The following ACTN1 variants were observed in gnomAD, a reference collection of about 807,000 sequenced individuals.
ACTN1 encodes actinin alpha 1.
Under a neutral mutation model 119.6 loss-of-function variants are expected in ACTN1, and 30 were observed. The observed-to-expected ratio is 0.25, with a 90% CI of 0.19 to 0.34. The LOEUF (loss-of-function observed/expected upper bound fraction) is 0.34, where lower values mean the gene tolerates loss of function less well. Ranked by LOEUF, ACTN1 falls within the 10% of genes least tolerant of loss-of-function variation. The pLI is 1.00. For missense variants in ACTN1, 764 were observed against 1,223.4 expected, an observed-to-expected ratio of 0.62 and a Z score of 5.60; for synonymous variants, 429 against 472.6, an observed-to-expected ratio of 0.91 and a Z score of 1.20.
chr14:68,875,777 C>T (rs1037064995), intron 21 of ACTN1, among the ~76,000 whole-genome samples: 1 of 152,196 alleles, frequency 6.6e-6, no homozygotes, highest in Non-Finnish European at 1.5e-5. Flanking sequence ...AGACCAGGCC[C>T]CTAGCTGGGC....
intron 14 of ACTN1, chr14:68,883,347 T>C (rs2140097120): frequency 2.7e-6 from 1 of 365,564 alleles, no homozygotes; most frequent in East Asian, 4.2e-5. Context: ...ACTACCCAGG[T>C]GACCTCCCAC....
intron 1 of ACTN1, among the ~76,000 whole-genome samples, chr14:68,932,379 C>T (rs2035259718): frequency 2.0e-5 from 3 of 152,052 alleles, no homozygotes; most frequent in Non-Finnish European, 4.4e-5. Flanking sequence ...CCTTGCTCCT[C>T]AGCTTGCAGA....
At chr14:68,911,725 A>AG (rs1371743342) in intron 4 of ACTN1, among the ~76,000 whole-genome samples, 2 of 152,242 alleles carry the variant, frequency 1.3e-5, no homozygotes, top group Non-Finnish European at 2.9e-5. Flanking sequence ...TCAAGCGTAG[A>AG]GATCACCTCT....
intron 1 of ACTN1, among the ~76,000 whole-genome samples, chr14:68,940,271 C>T (rs2035720625): frequency 6.6e-6 from 1 of 152,162 alleles, no homozygotes; most frequent in Non-Finnish European, 1.5e-5. Context: ...TTTTTTGGCA[C>T]AGATGCTGAG....
At position 68,909,893 on chromosome 14, in the gene ACTN1, T is replaced by A. The variant is rs2033898062; in HGVS notation, c.515+62A>T. On this transcript the variant is annotated intron_variant, in intron 5 of 21. Transcript: ENST00000394419. This position sits in a 1 kb window ranked among gnomAD's most constrained non-coding sequence, Gnocchi z 4.1. Reference sequence around the variant, plus strand: ...GCTGAGACTGACCCAGCCAAGGGGGTCTGGGAGCTCCCGGGGGAGGCAGCC... The same window carrying A: ...GCTGAGACTGACCCAGCCAAGGGGGACTGGGAGCTCCCGGGGGAGGCAGCC... 1 of 1,434,530 alleles carries A rather than the reference T, an allele frequency of 7.0e-7. No individual in the cohort carries two copies. The highest frequency in any genetic ancestry group is 2.3e-5 in the East Asian group (1 of 44,018). 88.9% of individuals were successfully genotyped at this position (1,434,530 alleles called of 1,614,324 possible). A position where few individuals can be genotyped will look rare whatever the true frequency, so the allele number is the denominator to read the frequency against.
At chr14:68,910,172 A>T (rs2033922255) in intron 4 of ACTN1, 130 bp from the exon 5 acceptor site, 4 of 657,998 alleles carry the variant, frequency 6.1e-6, no homozygotes, top group Non-Finnish European at 1.0e-5. Context: ...AGCCCTGGCC[A>T]TCAAGTCTAT....
intron 1 of ACTN1, among the ~76,000 whole-genome samples, chr14:68,973,176 A>G (rs2036948568): frequency 6.6e-6 from 1 of 152,102 alleles, no homozygotes; most frequent in Non-Finnish European, 1.5e-5. Flanking sequence ...GTTTCCCCCC[A>G]TCTGCTGAGA....
At chr14:68,914,333 C>T (rs1381994226) in intron 3 of ACTN1, among the ~76,000 whole-genome samples, 1 of 152,098 alleles carries the variant, frequency 6.6e-6, no homozygotes, top group Non-Finnish European at 1.5e-5. Flanking sequence ...TTGAAAAATA[C>T]TAAACTCTCA....
chr14:68,937,200 T>C (rs893287302), intron 1 of ACTN1, among the ~76,000 whole-genome samples: 2 of 151,844 alleles, frequency 1.3e-5, no homozygotes, highest in African/African-American at 4.8e-5. Context: ...ACTGTCCTTG[T>C]AAAGTTTTTT....
chr14:68,877,018 C>T (rs2030977057), intron 21 of ACTN1, 64 bp downstream of exon 21: 1 of 1,588,768 alleles, frequency 6.3e-7, no homozygotes, highest in East Asian at 2.3e-5. Flanking sequence ...GCTCTCACCC[C>T]TTTAGATCAC....
At chr14:68,960,156 T>C (rs2036479562) in intron 1 of ACTN1, among the ~76,000 whole-genome samples, 1 of 152,010 alleles carries the variant, frequency 6.6e-6, no homozygotes, top group African/African-American at 2.4e-5. Flanking sequence ...GCTACTGCTG[T>C]CTCGGGGTGG....
chr14:68,951,215 T>C (rs1286330618), intron 1 of ACTN1, among the ~76,000 whole-genome samples: 1 of 152,174 alleles, frequency 6.6e-6, no homozygotes, highest in East Asian at 1.9e-4. Context: ...CAGGCGCTGG[T>C]TTCCCCGGAA....
intron 1 of ACTN1, among the ~76,000 whole-genome samples, chr14:68,974,881 C>T (rs1700031010): frequency 6.6e-6 from 1 of 152,252 alleles, no homozygotes; most frequent in Non-Finnish European, 1.5e-5. Flanking sequence ...ACATCTGTGA[C>T]TAGGCCACAT....
In ACTN1 at chr14:68,877,772, A is replaced by G. The variant is rs183697029; in HGVS notation, c.2428-532T>C. The G allele has an allele frequency of 1.4e-3, 220 of 157,262 alleles. No individual in the cohort carries two copies. The Middle Eastern group carries it at 0.023, about 17-fold the overall frequency. 9.7% of individuals were successfully genotyped at this position (157,262 alleles called of 1,614,324 possible). ...ACTGTATTTTCTACATGCCAGATAC[A>G]TGCACACACTTAAATTCCTTCATTT... On this transcript the variant is annotated intron_variant, in intron 20 of 21. Coordinates refer to ENST00000394419, the MANE Select transcript of ACTN1 (RefSeq NM_001130004.2).
At position 68,880,519 on chromosome 14, in the gene ACTN1, G is replaced by GA. The variant is rs2031410071; in HGVS notation, c.2133+290_2133+291insT. Among the ~76,000 whole-genome samples the GA allele has an allele frequency of 8.5e-5, 13 of 152,232 alleles. No homozygotes were observed. The South Asian group carries it at 2.7e-3, about 32-fold the overall frequency. The stretch of plus-strand genomic sequence containing the variant: ...ACAAGTAGCCATTTTCAAAGCAGAT[G>GA]CCTGAGCCAGTGTTTGGAGCCCACC... On this transcript the variant is annotated intron_variant, in intron 17 of 21. Transcript: ENST00000394419. The surrounding 1 kb of genome is among the most constrained non-coding windows in gnomAD (Gnocchi z 4.6).
chr14:68,915,557 C>A (rs1462125934), intron 3 of ACTN1, among the ~76,000 whole-genome samples: 2 of 152,200 alleles, frequency 1.3e-5, no homozygotes, highest in Non-Finnish European at 2.9e-5. Context: ...CTGGCACAGG[C>A]AAAGCCCCCA....
chr14:68,890,214 G>T lies in ACTN1; in HGVS notation c.1159C>A (p.Arg387=). The T allele has an allele frequency of 6.2e-7, 1 of 1,614,142 alleles. No individual in the cohort carries two copies. Among genetic ancestry groups the T allele is most frequent in the Non-Finnish European group, 8.5e-7 (1 of 1,180,014 alleles). Residue 387 remains arginine, a synonymous_variant, in exon 11 of 22, where the codon CGG becomes AGG. Coordinates refer to ENST00000394419, the MANE Select transcript of ACTN1 (RefSeq NM_001130004.2). ...GYEEWLLNEI[R]RLERLDHLAE... The stretch of plus-strand genomic sequence containing the variant: ...AGGTGGTCCAGTCGCTCCAGCCTCC[G>T]GATCTCATTCAGCAACCACTCCTCA...
intron 1 of ACTN1, among the ~76,000 whole-genome samples, chr14:68,961,341 G>A (rs2036532218): frequency 6.6e-6 from 1 of 152,210 alleles, no homozygotes; most frequent in Non-Finnish European, 1.5e-5. Flanking sequence ...ATGCAGGCAT[G>A]AAGATTAAAA....
rs896901030 is a variant in ACTN1, at chr14:68,925,965, C to G, written c.106-293G>C. On this transcript the variant is annotated intron_variant, in intron 1 of 21. Coordinates refer to ENST00000394419, the MANE Select transcript of ACTN1 (RefSeq NM_001130004.2). This position sits in a 1 kb window ranked among gnomAD's most constrained non-coding sequence, Gnocchi z 4.3. ...CCCAGCCCTCTCTCAAAGACTCATG[C>G]CCACCCACATTTGAAAATGCCACAA... Among the ~76,000 whole-genome samples the G allele has an allele frequency of 6.6e-6, 1 of 152,180 alleles. No individual in the cohort carries two copies. The highest frequency in any genetic ancestry group is 6.5e-5 in the Admixed American group (1 of 15,286).
Sources: gnomAD v4.1 joint callset for allele counts (sites outside exome capture counted in the v4.1 genomes callset) on GRCh38, gnomAD v4.1.1 for gene constraint, Gnocchi (gnomAD v3.1) non-coding constraint, MANE v1.5 for transcripts, NCBI Gene and HGNC (gene_info 2026-07-23, HGNC 2026-07-21) for gene names.